ARID1B: variants seen among roughly 807,000 people sequenced by gnomAD.
The protein encoded by ARID1B is AT-rich interaction domain 1B.
In ARID1B, 30 loss-of-function variants were observed where a neutral mutation model predicts 212.3. The observed-to-expected ratio is 0.14, with a 90% CI of 0.11 to 0.19. The LOEUF is 0.19. ARID1B is among the 10% of genes least tolerant of loss of function. ARID1B has a pLI of 1.00. For missense variants in ARID1B, 2,891 were observed against 3,204.0 expected, an observed-to-expected ratio of 0.90 and a Z score of 2.36; for synonymous variants, 1,402 against 1,301.7, an observed-to-expected ratio of 1.08 and a Z score of -1.66.
chr6:157,007,214 T>C (rs1310505160), intron 4 of ARID1B, among the ~76,000 whole-genome samples: 1 of 152,224 alleles, frequency 6.6e-6, no homozygotes, highest in African/African-American at 2.4e-5. Context: ...TCTTTGAGAC[T>C]AAAGATAATT....
intron 10 of ARID1B, among the ~76,000 whole-genome samples, chr6:157,174,526 T>C (rs1791954716): frequency 6.6e-6 from 1 of 151,610 alleles, no homozygotes; most frequent in East Asian, 1.9e-4. Context: ...ATAAATAAGG[T>C]GAACAGCTTT....
At chr6:156,810,037 C>T (rs1366904416) in intron 1 of ARID1B, among the ~76,000 whole-genome samples, 1 of 152,130 alleles carries the variant, frequency 6.6e-6, no homozygotes, top group Non-Finnish European at 1.5e-5. Context: ...GCAGCAGGCC[C>T]CATGTGTGAC....
At chr6:157,072,815 T>C (rs773964405) in intron 4 of ARID1B, among the ~76,000 whole-genome samples, 1 of 152,162 alleles carries the variant, frequency 6.6e-6, no homozygotes, top group Non-Finnish European at 1.5e-5. Context: ...ATTTTATAGG[T>C]GAAGAAACTG....
chr6:157,058,331 C>A (rs1783100454), intron 4 of ARID1B, among the ~76,000 whole-genome samples: 1 of 149,198 alleles, frequency 6.7e-6, no homozygotes, highest in Non-Finnish European at 1.5e-5. Flanking sequence ...GTGGTAGGAT[C>A]TTGGCTCACT....
chr6:157,047,726 G>C (rs923701862), intron 4 of ARID1B, among the ~76,000 whole-genome samples: 1 of 152,202 alleles, frequency 6.6e-6, no homozygotes, highest in African/African-American at 2.4e-5. Context: ...TTATTTACTT[G>C]TATAATTTAG....
chr6:156,887,265 C>G (rs1787589737), intron 2 of ARID1B, among the ~76,000 whole-genome samples: 1 of 152,198 alleles, frequency 6.6e-6, no homozygotes, highest in Non-Finnish European at 1.5e-5. Flanking sequence ...CCAATGCTGG[C>G]TCTTCCCACG....
chr6:156,789,184 G>T (rs1779853428), intron 1 of ARID1B, among the ~76,000 whole-genome samples: 1 of 152,286 alleles, frequency 6.6e-6, no homozygotes, highest in East Asian at 1.9e-4. Flanking sequence ...CAGTGTACTT[G>T]GAGATTGTTC....
intron 9 of ARID1B, chr6:157,173,134 T>TA (rs1300656184): frequency 1.3e-5 from 2 of 152,258 alleles, no homozygotes; most frequent in African/African-American, 4.8e-5. Context: ...ACTGATTCCT[T>TA]ACTCTAGTCT....
At chr6:157,038,931 T>A (rs1001669531) in intron 4 of ARID1B, among the ~76,000 whole-genome samples, 7 of 151,842 alleles carry the variant, frequency 4.6e-5, no homozygotes, top group African/African-American at 1.7e-4. Flanking sequence ...TGAGACTGGG[T>A]CTCACTCTGT....
At chr6:156,927,866 GT>G (rs780771514) in intron 3 of ARID1B, among the ~76,000 whole-genome samples, 19 of 152,142 alleles carry the variant, frequency 1.2e-4, no homozygotes, top group Admixed American at 5.2e-4. Flanking sequence ...TAGCATCCCC[GT>G]CTTAGAAAAA....
chr6:157,003,316 G>C (rs561359550), intron 4 of ARID1B, among the ~76,000 whole-genome samples: 1 of 152,306 alleles, frequency 6.6e-6, no homozygotes, highest in Admixed American at 6.5e-5. Context: ...CATGGAGGTT[G>C]GGTACTGCAG....
At chr6:156,962,863 A>G (rs750572809) in intron 4 of ARID1B, among the ~76,000 whole-genome samples, 3 of 151,318 alleles carry the variant, frequency 2.0e-5, no homozygotes, top group Admixed American at 6.6e-5. Context: ...GCTCACTGCA[A>G]CCTCTGCCTC....
chr6:157,135,377 G>GT (rs1341823115), intron 7 of ARID1B, among the ~76,000 whole-genome samples: 1 of 152,152 alleles, frequency 6.6e-6, no homozygotes, highest in Non-Finnish European at 1.5e-5. Context: ...TCAGCTTTTT[G>GT]TTTGAGTGTT....
At chr6:157,178,535 T>A (rs1266364370) in intron 11 of ARID1B, among the ~76,000 whole-genome samples, 1 of 152,192 alleles carries the variant, frequency 6.6e-6, no homozygotes, top group Non-Finnish European at 1.5e-5. Flanking sequence ...TCTTCCGAAT[T>A]TATCACGTAA....
intron 6 of ARID1B, chr6:157,119,761 T>C (rs1182557250): frequency 6.6e-6 from 1 of 152,256 alleles, no homozygotes; most frequent in East Asian, 1.9e-4. Context: ...GGGATTACAG[T>C]TGATTCACAG....
intron 5 of ARID1B, among the ~76,000 whole-genome samples, chr6:157,087,524 G>A (rs1562606823): frequency 6.6e-6 from 1 of 152,212 alleles, no homozygotes; most frequent in Non-Finnish European, 1.5e-5. Context: ...TACATGCGGA[G>A]CACTCAGTGC....
At chr6:156,911,338 GTTT>G (rs57374747) in intron 3 of ARID1B, among the ~76,000 whole-genome samples, 2,402 of 105,374 alleles carry the variant, frequency 0.023, 53 homozygotes, top group African/African-American at 0.075. Context: ...TAAATAATTA[GTTT>G]TTTTTTTTTT....
At chr6:156,866,208 T>C (rs1463382920) in intron 2 of ARID1B, among the ~76,000 whole-genome samples, 2 of 152,214 alleles carry the variant, frequency 1.3e-5, no homozygotes, top group Non-Finnish European at 2.9e-5. Flanking sequence ...TGGATACTGC[T>C]GTGGTACTTC....
chr6:157,125,578 G>A (rs901002454), intron 6 of ARID1B, among the ~76,000 whole-genome samples: 11 of 152,170 alleles, frequency 7.2e-5, no homozygotes, highest in African/African-American at 2.4e-4. Context: ...TTTCCTACAC[G>A]TTGTTTAGGT....
Sources: gnomAD v4.1 joint callset for allele counts (sites outside exome capture counted in the v4.1 genomes callset) on GRCh38, gnomAD v4.1.1 for gene constraint, MANE v1.5 for transcripts, NCBI Gene and HGNC (gene_info 2026-07-23, HGNC 2026-07-21) for gene names.